The following CHD9 variants were observed in gnomAD, a reference collection of about 807,000 sequenced individuals.
The protein encoded by CHD9 is chromodomain helicase DNA binding protein 9.
CHD9 carries 77 observed loss-of-function variants against 316.1 expected under a neutral mutation model. The observed-to-expected ratio is 0.24, with a 90% CI of 0.20 to 0.29. CHD9 has a LOEUF of 0.29. CHD9 is among the 10% of genes least tolerant of loss of function. CHD9 has a pLI of 1.00. For missense variants in CHD9, 2,763 were observed against 3,438.1 expected, an observed-to-expected ratio of 0.80 and a Z score of 4.91; for synonymous variants, 1,129 against 1,158.3, an observed-to-expected ratio of 0.97 and a Z score of 0.51.
rs1361566313 is a variant in CHD9 at position 53,306,240 on chromosome 16, GTAC to G, written c.6628_6630del (p.Thr2210del). 6.5e-7 allele frequency: 1 copy of G among 1,537,434 alleles called. No individual in the cohort carries two copies. The highest frequency in any genetic ancestry group is 8.7e-7 in the Non-Finnish European group (1 of 1,146,612). ...TGATTATAATTGTTTTTAGCAGAAA[GTAC>G]TACTCACATGAAAGCCTATGATGAA... On this transcript the variant is annotated inframe_deletion, in exon 32 of 39. Coordinates refer to ENST00000447540, the MANE Select transcript of CHD9 (RefSeq NM_001308319.2).
intron 1 of CHD9, among the ~76,000 whole-genome samples, chr16:53,152,548 G>A (rs1160634903): frequency 6.6e-6 from 1 of 152,158 alleles, no homozygotes; most frequent in Non-Finnish European, 1.5e-5. Context: ...GGTGGTGCAG[G>A]GCTGTGCTTA....
intron 1 of CHD9, among the ~76,000 whole-genome samples, chr16:53,147,650 T>G (rs1475796603): frequency 6.6e-6 from 1 of 152,218 alleles, no homozygotes; most frequent in African/African-American, 2.4e-5. Context: ...GAACATAGTG[T>G]TCTCAGGGTT....
chr16:53,250,195 G>A, intron 17 of CHD9, 129 bp downstream of exon 17: 1 of 653,370 alleles, frequency 1.5e-6, no homozygotes, highest in South Asian at 2.2e-5. Context: ...AAATATCTGT[G>A]CCAAATAAAA....
rs557703638 is a variant in CHD9, at chr16:53,291,599, T to G, written c.5248-126T>G. The G allele has an allele frequency of 2.3e-4, 136 of 598,596 alleles. 1 individual carries two copies. In the African/African-American group the frequency reaches 2.4e-3, roughly 11 times the overall value. 37.1% of individuals were successfully genotyped at this position (598,596 alleles called of 1,614,324 possible). On this transcript the variant is annotated intron_variant, in intron 27 of 38. Coordinates refer to ENST00000447540, the MANE Select transcript of CHD9 (RefSeq NM_001308319.2). ...AGTTGAAAGTTTTATTTTTGCTAAA[T>G]TAATTATTTAACATTCCATTGGGGG...
intron 1 of CHD9, among the ~76,000 whole-genome samples, chr16:53,148,291 A>G (rs2040805154): frequency 6.6e-6 from 1 of 152,192 alleles, no homozygotes; most frequent in South Asian, 2.1e-4. Flanking sequence ...TCACCTAGGC[A>G]GAAGTGCAGT....
intron 2 of CHD9, among the ~76,000 whole-genome samples, chr16:53,166,164 A>G (rs1410792186): frequency 1.3e-5 from 2 of 152,158 alleles, no homozygotes; most frequent in Non-Finnish European, 2.9e-5. Flanking sequence ...GAAATTATAG[A>G]ATATTAGCTA....
intron 2 of CHD9, among the ~76,000 whole-genome samples, chr16:53,189,866 G>A (rs1281059874): frequency 6.6e-6 from 1 of 152,082 alleles, no homozygotes; most frequent in Non-Finnish European, 1.5e-5. Flanking sequence ...CAAAATAGAC[G>A]GAAAGCTAAT....
At chr16:53,182,334 A>G (rs1039683080) in intron 2 of CHD9, among the ~76,000 whole-genome samples, 3 of 152,142 alleles carry the variant, frequency 2.0e-5, no homozygotes, top group Non-Finnish European at 4.4e-5. Context: ...AGTTGGGACC[A>G]CAGGCATATG....
intron 16 of CHD9, among the ~76,000 whole-genome samples, chr16:53,249,078 G>A (rs1347781777): frequency 1.3e-5 from 2 of 151,982 alleles, no homozygotes; most frequent in Non-Finnish European, 2.9e-5. Flanking sequence ...CTTACGTGGA[G>A]AACTTCATAC....
At chr16:53,160,107 C>T (rs2041807283) in intron 2 of CHD9, among the ~76,000 whole-genome samples, 1 of 152,148 alleles carries the variant, frequency 6.6e-6, no homozygotes, top group South Asian at 2.1e-4. Context: ...GAAAACTCTC[C>T]ACTGATTGAA....
At chr16:53,269,577 C>G (rs1332069547) in intron 22 of CHD9, among the ~76,000 whole-genome samples, 1 of 152,096 alleles carries the variant, frequency 6.6e-6, no homozygotes, top group Admixed American at 6.5e-5. Flanking sequence ...TAATAGGAGA[C>G]AGTGAGTTTA....
At chr16:53,067,202 C>G (rs1596862120) in intron 1 of CHD9, among the ~76,000 whole-genome samples, 1 of 152,170 alleles carries the variant, frequency 6.6e-6, no homozygotes, top group African/African-American at 2.4e-5. Context: ...CTCGACTTCC[C>G]AAAGTGTTGG....
intron 1 of CHD9, among the ~76,000 whole-genome samples, chr16:53,078,745 C>T (rs2034768039): frequency 6.6e-6 from 1 of 152,194 alleles, no homozygotes; most frequent in Non-Finnish European, 1.5e-5. Flanking sequence ...CTCCCCACTT[C>T]CATTCCCCTA....
At chr16:53,226,280 A>T (rs1025531509) in intron 4 of CHD9, 86 bp from the exon 5 acceptor site, 3 of 861,102 alleles carry the variant, frequency 3.5e-6, no homozygotes, top group Non-Finnish European at 3.4e-6. Flanking sequence ...TTTAATATAC[A>T]AAATTGCCAA....
At chr16:53,076,148 T>C (rs925893459) in intron 1 of CHD9, among the ~76,000 whole-genome samples, 1 of 152,260 alleles carries the variant, frequency 6.6e-6, no homozygotes, top group African/African-American at 2.4e-5. Flanking sequence ...ATCTTCTGGC[T>C]ATTAATCCTC....
chr16:53,270,629 A>G (rs1597741285), intron 22 of CHD9, among the ~76,000 whole-genome samples: 1 of 152,166 alleles, frequency 6.6e-6, no homozygotes, highest in African/African-American at 2.4e-5. Flanking sequence ...ACTGTTGTAT[A>G]TACTTGTATT....
At chr16:53,209,255 A>T (rs978431626) in intron 2 of CHD9, among the ~76,000 whole-genome samples, 10 of 152,190 alleles carry the variant, frequency 6.6e-5, no homozygotes, top group African/African-American at 2.4e-4. Context: ...ATATCAATGA[A>T]TCTATATTAT....
chr16:53,267,900 C>T (rs1298973785), intron 21 of CHD9, 27 bp from the exon 22 acceptor site: 1 of 1,587,616 alleles, frequency 6.3e-7, no homozygotes. Flanking sequence ...GACTCAATAT[C>T]AATGTAACTA....
intron 38 of CHD9, among the ~76,000 whole-genome samples, 172 bp downstream of exon 38, chr16:53,321,802 G>A (rs992727825): frequency 6.6e-6 from 1 of 151,918 alleles, no homozygotes; most frequent in Non-Finnish European, 1.5e-5. Flanking sequence ...TGCTTCTCAG[G>A]TTAGAACAGA....
Sources: gnomAD v4.1 joint callset for allele counts (sites outside exome capture counted in the v4.1 genomes callset) on GRCh38, gnomAD v4.1.1 for gene constraint, MANE v1.5 for transcripts, NCBI Gene and HGNC (gene_info 2026-07-23, HGNC 2026-07-21) for gene names.